The following CACNB2 variants were observed in gnomAD, a reference collection of about 807,000 sequenced individuals.
CACNB2 encodes calcium voltage-gated channel auxiliary subunit beta 2, also known as voltage-dependent L-type calcium channel subunit beta-2.
CACNB2 carries 42 observed loss-of-function variants against 73.3 expected under a neutral mutation model. The observed-to-expected ratio is 0.57, with a 90% confidence interval of 0.45 to 0.74. CACNB2 has a LOEUF of 0.74. CACNB2 is among the 30% of genes least tolerant of loss of function. The pLI is 0.00. For missense variants in CACNB2, 940 were observed against 853.0 expected, an observed-to-expected ratio of 1.10 and a Z score of -1.27; for synonymous variants, 348 against 310.3, an observed-to-expected ratio of 1.12 and a Z score of -1.28.
At chr10:18,176,977 T>C (rs184375424) in intron 2 of CACNB2, among the ~76,000 whole-genome samples, 1 of 151,908 alleles carries the variant, frequency 6.6e-6, no homozygotes, top group Non-Finnish European at 1.5e-5. Context: ...AGAAAGCGTA[T>C]AGAGGTGAGG....
chr10:18,533,451 T>C (rs1333002837), intron 10 of CACNB2: 2 of 152,904 alleles, frequency 1.3e-5, no homozygotes, highest in Non-Finnish European at 2.9e-5. Flanking sequence ...TAATGTTTTG[T>C]GATAAGTTTC....
At chr10:18,521,217 T>C (rs1203877828) in intron 9 of CACNB2, among the ~76,000 whole-genome samples, 2 of 152,242 alleles carry the variant, frequency 1.3e-5, no homozygotes, top group East Asian at 1.9e-4. Flanking sequence ...GTTATATGCA[T>C]GCACAAGGTG....
At chr10:18,243,734 T>G (rs556165086) in intron 2 of CACNB2, among the ~76,000 whole-genome samples, 2 of 152,198 alleles carry the variant, frequency 1.3e-5, no homozygotes, top group Non-Finnish European at 2.9e-5. Flanking sequence ...GGCACATGAT[T>G]TCTACACACA....
chr10:18,363,944 GT>G (rs1352063228), intron 2 of CACNB2, among the ~76,000 whole-genome samples: 1 of 142,658 alleles, frequency 7.0e-6, no homozygotes, highest in East Asian at 2.5e-4. Context: ...CTTGAAGGCA[GT>G]TTAATTTTTT....
At chr10:18,239,652 T>C (rs2036574758) in intron 2 of CACNB2, among the ~76,000 whole-genome samples, 1 of 152,214 alleles carries the variant, frequency 6.6e-6, no homozygotes, top group Non-Finnish European at 1.5e-5. Flanking sequence ...CAAGTATCTT[T>C]TGTATGTAAT....
intron 3 of CACNB2, among the ~76,000 whole-genome samples, chr10:18,447,385 A>C (rs566037316): frequency 4.6e-5 from 7 of 152,224 alleles, no homozygotes; most frequent in Non-Finnish European, 8.8e-5. Flanking sequence ...AGGGGTGATC[A>C]TTGAATTCAT....
Position 18,489,174 on chromosome 10 carries a change from G to A in CACNB2, c.334-9181G>A, listed in dbSNP as rs538623176. On this transcript the variant is annotated intron_variant, in intron 3 of 13. Coordinates refer to ENST00000324631, the MANE Select transcript of CACNB2 (RefSeq NM_201596.3). ...TAAAAATACAAAAAATTAGTGAGCC[G>A]CGCCACTGCACTCCAGCCTGGGTGA... Among the ~76,000 whole-genome samples the A allele has an allele frequency of 3.1e-4, 47 of 151,894 alleles. No individual in the cohort carries two copies. The East Asian group carries it at 3.1e-3, about 10-fold the overall frequency.
intron 6 of CACNB2, among the ~76,000 whole-genome samples, chr10:18,512,759 A>C (rs1460718099): frequency 6.6e-6 from 1 of 152,196 alleles, no homozygotes; most frequent in Admixed American, 6.5e-5. Context: ...CACTTTCTGC[A>C]TCCTGCTGGT....
intron 3 of CACNB2, among the ~76,000 whole-genome samples, chr10:18,467,245 A>G (rs973943404): frequency 6.6e-6 from 1 of 152,234 alleles, no homozygotes; most frequent in African/African-American, 2.4e-5. Flanking sequence ...AATTCAATTG[A>G]AATAATAAAT....
Position 18,516,598 on chromosome 10 carries a change from G to T in CACNB2, c.805-1738G>T, listed in dbSNP as rs143521354. ...AAACGTTTTCAGTATGATCCCAGGTGGTATAAATGAAATAGTTTAAGAAAT... is the reference window on the plus strand; with the variant it reads ...AAACGTTTTCAGTATGATCCCAGGTTGTATAAATGAAATAGTTTAAGAAAT... On this transcript the variant is annotated intron_variant, in intron 7 of 13. Coordinates refer to ENST00000324631, the MANE Select transcript of CACNB2 (RefSeq NM_201596.3). 1.6e-4 allele frequency among the ~76,000 whole-genome samples: 25 copies of T among 152,320 alleles called. No individual in the cohort carries two copies. The East Asian group carries it at 4.8e-3, about 29-fold the overall frequency.
At chr10:18,326,738 T>G (rs2040602109) in intron 2 of CACNB2, among the ~76,000 whole-genome samples, 2 of 152,148 alleles carry the variant, frequency 1.3e-5, no homozygotes, top group Admixed American at 6.6e-5. Context: ...AAAGTAATAA[T>G]TTTTTTGAGA....
At chr10:18,195,674 G>T (rs994357863) in intron 2 of CACNB2, among the ~76,000 whole-genome samples, 1 of 152,194 alleles carries the variant, frequency 6.6e-6, no homozygotes, top group African/African-American at 2.4e-5. Flanking sequence ...GCCTGACCAG[G>T]CAGAGATGGC....
At chr10:18,267,149 T>C in intron 2 of CACNB2, among the ~76,000 whole-genome samples, 1 of 152,132 alleles carries the variant, frequency 6.6e-6, no homozygotes, top group Non-Finnish European at 1.5e-5. Context: ...GTCAAGTTCA[T>C]ATATGTATTT....
intron 3 of CACNB2, among the ~76,000 whole-genome samples, chr10:18,427,230 G>A (rs1476242972): frequency 6.6e-6 from 1 of 152,016 alleles, no homozygotes; most frequent in Non-Finnish European, 1.5e-5. Context: ...TTTAAAGGTG[G>A]TCATATGATT....
chr10:18,472,574 T>C (rs983798062), intron 3 of CACNB2, among the ~76,000 whole-genome samples: 1 of 152,158 alleles, frequency 6.6e-6, no homozygotes, highest in Non-Finnish European at 1.5e-5. Context: ...CTACCTTGGT[T>C]CCATGATAAA....
At chr10:18,262,990 AG>A (rs2037625306) in intron 2 of CACNB2, among the ~76,000 whole-genome samples, 1 of 152,226 alleles carries the variant, frequency 6.6e-6, no homozygotes. Flanking sequence ...TTTTGAATAA[AG>A]TACCACAAAA....
At chr10:18,443,507 G>A (rs1262800636) in intron 3 of CACNB2, among the ~76,000 whole-genome samples, 2 of 152,026 alleles carry the variant, frequency 1.3e-5, no homozygotes, top group African/African-American at 4.8e-5. Context: ...GAGGCATAAG[G>A]GGAAAGTGTA....
intron 2 of CACNB2, among the ~76,000 whole-genome samples, chr10:18,178,013 C>G (rs1295459661): frequency 6.6e-6 from 1 of 152,100 alleles, no homozygotes; most frequent in East Asian, 1.9e-4. Context: ...AGTGACCATC[C>G]TGGGAGAAGA....
chr10:18,486,103 G>T (rs2049048226), intron 3 of CACNB2, among the ~76,000 whole-genome samples: 1 of 151,962 alleles, frequency 6.6e-6, no homozygotes, highest in Admixed American at 6.6e-5. Context: ...CTTTGTATTA[G>T]GAAATGAAGA....
Sources: allele counts gnomAD v4.1 joint callset (sites outside exome capture counted in the v4.1 genomes callset), GRCh38; gene constraint gnomAD v4.1.1; transcripts MANE v1.5; gene names NCBI Gene and HGNC (gene_info 2026-07-23, HGNC 2026-07-21).